Variants in ASB1 observed in about 807,000 individuals in gnomAD.
ASB1 encodes ankyrin repeat and SOCS box protein 1.
Under a neutral mutation model 27.7 loss-of-function variants are expected in ASB1, and 18 were observed. The observed-to-expected ratio is 0.65, with a 90% CI of 0.45 to 0.96. The LOEUF is 0.96. ASB1 is among the 50% of genes least tolerant of loss of function. The pLI is 0.00. For missense variants in ASB1, 397 were observed against 451.7 expected, an observed-to-expected ratio of 0.88 and a Z score of 1.10; for synonymous variants, 189 against 187.6, an observed-to-expected ratio of 1.01 and a Z score of -0.06.
rs1426807965 is a variant in ASB1 at position 238,448,058 on chromosome 2, T to G, written c.*1547T>G. The G allele has an allele frequency of 6.6e-6, 1 of 152,354 alleles. No individual in the cohort carries two copies. The highest frequency in any genetic ancestry group is 1.5e-5 in the Non-Finnish European group (1 of 68,172). 9.4% of individuals were successfully genotyped at this position (152,354 alleles called of 1,614,324 possible). On this transcript the variant is annotated 3_prime_UTR_variant, in exon 5 of 5. Coordinates refer to ENST00000264607, the MANE Select transcript of ASB1 (RefSeq NM_001040445.3). ...TGTTTCCTCAGCTGAGGTGACACTG[T>G]TAGAAGCTGTGATGGTTGTGTAAAT...
chr2:238,446,397 C>T lies in ASB1; in HGVS notation c.894C>T (p.Thr298=), dbSNP rs528928981. The T allele has an allele frequency of 9.8e-5, 158 of 1,608,932 alleles. No homozygotes were observed. The highest frequency in any genetic ancestry group is 1.3e-4 in the Non-Finnish European group (149 of 1,177,506). Residue 298 remains threonine (T), a synonymous_variant, in exon 5 of 5, where the codon ACC becomes ACT. Coordinates refer to ENST00000264607, the MANE Select transcript of ASB1 (RefSeq NM_001040445.3). ...VFKEARSVPR[T]LLCLCRVAVR... ...CACGGCCTTCAGGTGTTCCCAGAACCTTGCTGTGTCTGTGCCGTGTGGCTG... is the reference window on the plus strand; with the variant it reads ...CACGGCCTTCAGGTGTTCCCAGAACTTTGCTGTGTCTGTGCCGTGTGGCTG...
At chr2:238,437,225 A>C (rs2106405883) in intron 3 of ASB1, among the ~76,000 whole-genome samples, 1 of 151,784 alleles carries the variant, frequency 6.6e-6, no homozygotes, top group South Asian at 2.1e-4. Context: ...CTAGGTTTAC[A>C]GTCTTATTTT....
intron 2 of ASB1, among the ~76,000 whole-genome samples, chr2:238,434,617 A>G (rs1050895955): frequency 3.3e-5 from 5 of 152,234 alleles, no homozygotes; most frequent in African/African-American, 7.2e-5. Flanking sequence ...ATCAAAACAG[A>G]TATCAGTATT....
chr2:238,430,958 C>T (rs1181837473), intron 1 of ASB1, among the ~76,000 whole-genome samples: 4 of 152,246 alleles, frequency 2.6e-5, no homozygotes, highest in African/African-American at 9.6e-5. Flanking sequence ...TTATAGTGCG[C>T]AGGCAGGAGT....
rs1382499970 is a variant in ASB1 at position 238,444,571 on chromosome 2, G to A, written c.724G>A (p.Ala242Thr). Residue 242 changes from alanine (A) to threonine (T), a missense_variant, in exon 4 of 5, where the codon GCT becomes ACT. By Grantham distance (58) the Ala-to-Thr change is moderately conservative (BLOSUM62 0). Coordinates refer to ENST00000264607, the MANE Select transcript of ASB1 (RefSeq NM_001040445.3). ...YRGSPGCVMD[A>T]VLRHGCEAAF... is the part of the protein sequence containing the mutation. The stretch of plus-strand genomic sequence containing the variant: ...GGGCTCCCCTGGGTGCGTCATGGAT[G>A]CTGTTCTGCGCCACGGCTGTGAGGC... 1 of 1,614,116 alleles carries A rather than the reference G, an allele frequency of 6.2e-7. No individual in the cohort carries two copies. Among genetic ancestry groups the A allele is most frequent in the Non-Finnish European group, 8.5e-7 (1 of 1,180,058 alleles).
At chr2:238,442,803 C>T (rs951323735) in intron 3 of ASB1, among the ~76,000 whole-genome samples, 2 of 152,222 alleles carry the variant, frequency 1.3e-5, no homozygotes, top group African/African-American at 4.8e-5. Context: ...AAAACATCTA[C>T]ACCCTCCCTT....
Position 238,450,407 on chromosome 2 carries a change from TATTTTTGCTTTTTGA to T in ASB1, c.*3898_*3912del, listed in dbSNP as rs1219556334. 2.6e-5 allele frequency: 4 copies of T among 152,272 alleles called. No individual in the cohort carries two copies. Among genetic ancestry groups the T allele is most frequent in the Non-Finnish European group, 5.9e-5 (4 of 68,046 alleles). 9.4% of individuals were successfully genotyped at this position (152,272 alleles called of 1,614,324 possible). ...TAATGAAGGTAAAAGTAGAGGGCAATATTTTTGCTTTTTGAAATGCTCTTGGTTGCAAAACAAAAT... is the reference window on the plus strand; with the variant it reads ...TAATGAAGGTAAAAGTAGAGGGCAATAATGCTCTTGGTTGCAAAACAAAAT... On this transcript the variant is annotated 3_prime_UTR_variant, in exon 5 of 5. Coordinates refer to ENST00000264607, the MANE Select transcript of ASB1 (RefSeq NM_001040445.3).
chr2:238,440,918 T>C (rs986379938), intron 3 of ASB1, among the ~76,000 whole-genome samples: 11 of 152,180 alleles, frequency 7.2e-5, no homozygotes, highest in Non-Finnish European at 1.5e-4. Context: ...CTCATGGCTG[T>C]GTACATGCCC....
intron 1 of ASB1, among the ~76,000 whole-genome samples, chr2:238,432,810 C>T (rs996783154): frequency 1.3e-5 from 2 of 151,888 alleles, no homozygotes; most frequent in East Asian, 1.9e-4. Context: ...TGCAGTGGCG[C>T]GATCTTGGCT....
Position 238,452,101 on chromosome 2 carries a change from G to C in ASB1, c.*5590G>C, listed in dbSNP as rs1702297406. 1 of 152,192 alleles carries C rather than the reference G, an allele frequency of 6.6e-6. No homozygotes were observed. The highest frequency in any genetic ancestry group is 2.4e-5 in the African/African-American group (1 of 41,424). 9.4% of individuals were successfully genotyped at this position (152,192 alleles called of 1,614,324 possible). A position where few individuals can be genotyped will look rare whatever the true frequency, so the allele number is the denominator to read the frequency against. ...GTCCCCACAGTGTTCCGTGGGGTAG[G>C]GGGTGATGGAGACTGTGGGCAAGCC... On this transcript the variant is annotated 3_prime_UTR_variant, in exon 5 of 5. Coordinates refer to ENST00000264607, the MANE Select transcript of ASB1 (RefSeq NM_001040445.3).
At position 238,433,689 on chromosome 2, in the gene ASB1, A is replaced by AC; in HGVS notation, c.187dup (p.Arg63ProfsTer107). 1 of 1,613,894 alleles carries AC rather than the reference A, an allele frequency of 6.2e-7. No individual in the cohort carries two copies. Among genetic ancestry groups the AC allele is most frequent in the Non-Finnish European group, 8.5e-7 (1 of 1,179,894 alleles). The stretch of plus-strand genomic sequence containing the variant: ...AGGAGCCTATTGCAAGAGGAGAGCT[A>AC]CCGGAGGTGAGCGGCGCTGCCCAGG... On this transcript the variant is annotated frameshift_variant, in exon 2 of 5. Transcript: ENST00000264607. LOFTEE classifies it high-confidence loss of function.
At chr2:238,437,486 T>C (rs1701995577) in intron 3 of ASB1, among the ~76,000 whole-genome samples, 1 of 152,096 alleles carries the variant, frequency 6.6e-6, no homozygotes, top group African/African-American at 2.4e-5. Flanking sequence ...CGCCTCGGCC[T>C]CCCAAAGTGC....
rs1421149208 is a variant in ASB1 at position 238,448,934 on chromosome 2, T to C, written c.*2423T>C. The C allele has an allele frequency of 6.6e-6, 1 of 152,558 alleles. No homozygotes were observed. The highest frequency in any genetic ancestry group is 1.5e-5 in the Non-Finnish European group (1 of 68,314). 9.5% of individuals were successfully genotyped at this position (152,558 alleles called of 1,614,324 possible). On this transcript the variant is annotated 3_prime_UTR_variant, in exon 5 of 5. Coordinates refer to ENST00000264607, the MANE Select transcript of ASB1 (RefSeq NM_001040445.3). ...TGATGTATCTGGGGAGAGAATGAGCTGGAGGAGGGGGCCTCTCATGGCCCT... is the reference window on the plus strand; with the variant it reads ...TGATGTATCTGGGGAGAGAATGAGCCGGAGGAGGGGGCCTCTCATGGCCCT...
intron 3 of ASB1, among the ~76,000 whole-genome samples, chr2:238,438,442 C>T (rs10203153): frequency 0.16 from 24,119 of 151,870 alleles, 3,714 homozygotes; most frequent in African/African-American, 0.4. Flanking sequence ...CCTTGTGATC[C>T]GCCCGCCTCG....
intron 3 of ASB1, among the ~76,000 whole-genome samples, chr2:238,438,726 G>T (rs1702021574): frequency 6.6e-6 from 1 of 152,224 alleles, no homozygotes; most frequent in Non-Finnish European, 1.5e-5. Flanking sequence ...CCCTGTGCCA[G>T]TTCCCCCTTA....
At position 238,433,538 on chromosome 2, in the gene ASB1, C is replaced by G. The variant is rs762470998; in HGVS notation, c.50-16C>G. The stretch of plus-strand genomic sequence containing the variant: ...GGGCCTCCATGAGCTAACAGGAGCC[C>G]CTCTCTTCAGTGCAGGTCGTAATCT... On this transcript the variant is annotated splice_polypyrimidine_tract_variant and intron_variant, in intron 1 of 4. Coordinates refer to ENST00000264607, the MANE Select transcript of ASB1 (RefSeq NM_001040445.3). The G allele has an allele frequency of 1.9e-6, 3 of 1,613,452 alleles. No homozygotes were observed. In the South Asian group the frequency reaches 3.3e-5, roughly 18 times the overall value.
rs577463691 is a variant in ASB1, at chr2:238,446,284, T to C, written c.881-100T>C. 4.6e-4 allele frequency: 630 copies of C among 1,360,230 alleles called. 2 individuals are homozygous for C. Among genetic ancestry groups the C allele is most frequent in the Middle Eastern group, 2.9e-3 (13 of 4,434 alleles). 84.3% of individuals were successfully genotyped at this position (1,360,230 alleles called of 1,614,324 possible). A position where few individuals can be genotyped will look rare whatever the true frequency, so the allele number is the denominator to read the frequency against. On this transcript the variant is annotated intron_variant, in intron 4 of 4. Transcript: ENST00000264607. ...AGCGTTTTGAAGTTGGTAGTGAGCATTGGTGCACTTCTGGCTGGCAGTCCC... is the reference window on the plus strand; with the variant it reads ...AGCGTTTTGAAGTTGGTAGTGAGCACTGGTGCACTTCTGGCTGGCAGTCCC...
intron 1 of ASB1, among the ~76,000 whole-genome samples, chr2:238,430,196 CGTT>C (rs1559411701): frequency 6.6e-6 from 1 of 152,066 alleles, no homozygotes; most frequent in East Asian, 1.9e-4. Context: ...TAGCATGAGA[CGTT>C]GTTTGATGGC....
At position 238,446,460 on chromosome 2, in the gene ASB1, T is replaced by G; in HGVS notation, c.957T>G (p.Ile319Met). The G allele has an allele frequency of 6.2e-7, 1 of 1,614,182 alleles. No individual in the cohort carries two copies. Among genetic ancestry groups the G allele is most frequent in the East Asian group, 2.2e-5 (1 of 44,888 alleles). The change falls in exon 5 of 5, where the codon ATT (isoleucine) becomes ATG (methionine). Residue 319 changes from isoleucine to methionine, a missense_variant. Physicochemically the swap from Ile to Met is conservative, Grantham distance 10 (BLOSUM62 1). Transcript: ENST00000264607. ...TTGGCAAACACCGGCTTCATCTGAT[T>G]CCTTCGCTGCCTCTGCCAGACCCCA... ...RALGKHRLHL[I>M]PSLPLPDPIK... is the part of the protein sequence containing the mutation.
Sources: gnomAD v4.1 joint callset for allele counts (sites outside exome capture counted in the v4.1 genomes callset) on GRCh38, gnomAD v4.1.1 for gene constraint, MANE v1.5 for transcripts, NCBI Gene and HGNC (gene_info 2026-07-23, HGNC 2026-07-21) for gene names.